The following KSR2 variants were observed in gnomAD, a reference collection of about 807,000 sequenced individuals.
The protein encoded by KSR2 is kinase suppressor of ras 2.
A neutral mutation model predicts 107.8 loss-of-function variants in KSR2; 25 were observed. That is an observed-to-expected ratio of 0.23 (90% confidence interval 0.17 to 0.32). The LOEUF (loss-of-function observed/expected upper bound fraction) is 0.32. Among genes scored for constraint, KSR2 ranks in the 10% least tolerant of loss-of-function variants. The pLI is 1.00. For missense variants in KSR2, 887 were observed against 1,268.9 expected (o/e 0.70, Z 4.57); for synonymous variants, 480 against 507.0 (o/e 0.95, Z 0.71).
At chr12:117,512,013 G>A in intron 14 of KSR2, among the ~76,000 whole-genome samples, 1 of 152,156 alleles carries the variant, frequency 6.6e-6, no homozygotes, top group East Asian at 1.9e-4. Context: ...TGGTTCAGAG[G>A]GTGAAGAGCT....
chr12:117,901,897 T>C (rs1293754702), intron 1 of KSR2, among the ~76,000 whole-genome samples: 2 of 152,130 alleles, frequency 1.3e-5, no homozygotes, highest in Admixed American at 1.3e-4. Context: ...CCTTTTCCAC[T>C]CAGTTCAAAA....
chr12:117,481,546 C>T (rs1359487374), intron 16 of KSR2, among the ~76,000 whole-genome samples: 1 of 152,178 alleles, frequency 6.6e-6, no homozygotes, highest in Non-Finnish European at 1.5e-5. Context: ...TTGCCAGCAC[C>T]TTGATTTTGG....
chr12:117,737,361 A>AT (rs35440545), intron 4 of KSR2, among the ~76,000 whole-genome samples: 3 of 151,854 alleles, frequency 2.0e-5, no homozygotes, highest in African/African-American at 4.8e-5. Flanking sequence ...AGCACACTGC[A>AT]TTTTTTTTTA....
intron 5 of KSR2, among the ~76,000 whole-genome samples, chr12:117,634,613 C>T (rs549101104): frequency 6.6e-6 from 1 of 152,254 alleles, no homozygotes; most frequent in South Asian, 2.1e-4. Context: ...TCGGGTGACA[C>T]TCGCATGGCT....
At chr12:117,936,716 T>G (rs1048505031) in intron 1 of KSR2, among the ~76,000 whole-genome samples, 8 of 152,056 alleles carry the variant, frequency 5.3e-5, no homozygotes, top group African/African-American at 1.9e-4. Context: ...TGAAAACAGC[T>G]TTTATTTGTT....
chr12:117,525,230 A>G lies in KSR2; in HGVS notation c.1852-11T>C. 4 of 1,573,210 alleles carry G rather than the reference A, an allele frequency of 2.5e-6. No homozygotes were observed. The highest frequency in any genetic ancestry group is 3.5e-6 in the Non-Finnish European group (4 of 1,156,120). Reference sequence around the variant, plus strand: ...ATGGACCTCTTCATTCTGTGGCCGGAGTGGGAGAGAGGTCAGAATTGTGTC... The same window carrying G: ...ATGGACCTCTTCATTCTGTGGCCGGGGTGGGAGAGAGGTCAGAATTGTGTC... On this transcript the variant is annotated splice_polypyrimidine_tract_variant and intron_variant, in intron 13 of 19. Coordinates refer to ENST00000339824, the MANE Select transcript of KSR2 (RefSeq NM_173598.6).
At chr12:117,558,794 A>ATGGG (rs1251707576) in intron 7 of KSR2, among the ~76,000 whole-genome samples, 3 of 5,414 alleles carry the variant, frequency 5.5e-4, no homozygotes, top group Admixed American at 5.4e-3. Flanking sequence ...GGATTGATGC[A>ATGGG]TGGGTGGGTG....
rs759513488 is a variant in KSR2, at chr12:117,484,477, C to T, written c.2389G>A (p.Gly797Ser). ...LKSKNVFYDN[G>S]KVVITDFGLF... ...CCAAAGTCCGTGATGACCACTTTGC[C>T]GTTGTCATAGAAGACGTTCTTTGAC... The change falls in exon 16 of 20, where the codon GGC (glycine) becomes AGC (serine). Residue 797 changes from glycine to serine, a missense_variant. Coordinates refer to ENST00000339824, the MANE Select transcript of KSR2 (RefSeq NM_173598.6). 21 of 1,613,770 alleles carry T rather than the reference C, an allele frequency of 1.3e-5. No individual in the cohort carries two copies. Among genetic ancestry groups the T allele is most frequent in the Non-Finnish European group, 1.7e-5 (20 of 1,179,806 alleles).
chr12:117,949,450 A>G (rs1426864652), intron 1 of KSR2, among the ~76,000 whole-genome samples: 1 of 152,204 alleles, frequency 6.6e-6, no homozygotes, highest in Non-Finnish European at 1.5e-5. Context: ...CATGGGCAAG[A>G]GACTTCTCAA....
At chr12:117,648,448 C>T (rs1419642972) in intron 5 of KSR2, among the ~76,000 whole-genome samples, 3 of 152,210 alleles carry the variant, frequency 2.0e-5, no homozygotes, top group Non-Finnish European at 4.4e-5. Context: ...TAGCATAAGG[C>T]ATTGGGGCTT....
At position 117,602,970 on chromosome 12, in the gene KSR2, C is replaced by G. The variant is rs1286156931; in HGVS notation, c.1172-20611G>C. Among the ~76,000 whole-genome samples the G allele has an allele frequency of 2.0e-5, 3 of 152,240 alleles. 1 individual carries two copies. Among genetic ancestry groups the G allele is most frequent in the Admixed American group, 2.0e-4 (3 of 15,290 alleles). ...GATAGAATTAGTTCAGTCTGCAAAT[C>G]GAGGATGGGCACACAGATGCCTAAA... On this transcript the variant is annotated intron_variant, in intron 5 of 19. Transcript: ENST00000339824.
chr12:117,747,021 T>C (rs1888433339), intron 4 of KSR2, among the ~76,000 whole-genome samples: 1 of 152,302 alleles, frequency 6.6e-6, no homozygotes, highest in Admixed American at 6.5e-5. Flanking sequence ...AAAGACAGTA[T>C]GGCGATTCCT....
At chr12:117,498,312 C>A (rs944964683) in intron 14 of KSR2, among the ~76,000 whole-genome samples, 1 of 152,114 alleles carries the variant, frequency 6.6e-6, no homozygotes, top group Non-Finnish European at 1.5e-5. Flanking sequence ...TTCCACCCCC[C>A]AAATTCAGGG....
chr12:117,823,513 G>A (rs562649168), intron 3 of KSR2, among the ~76,000 whole-genome samples: 1 of 152,260 alleles, frequency 6.6e-6, no homozygotes, highest in African/African-American at 2.4e-5. Flanking sequence ...GAGAGATGGT[G>A]CTACCATTTA....
intron 1 of KSR2, 82 bp from the exon 2 acceptor site, chr12:117,860,513 C>G: frequency 2.9e-6 from 4 of 1,383,286 alleles, no homozygotes; most frequent in Non-Finnish European, 3.9e-6. Context: ...CCTACGAACC[C>G]CCACCCTAAA....
At chr12:117,657,495 C>A (rs1884235880) in intron 5 of KSR2, among the ~76,000 whole-genome samples, 1 of 152,210 alleles carries the variant, frequency 6.6e-6, no homozygotes, top group Admixed American at 6.5e-5. Flanking sequence ...TCACCAACAT[C>A]ACCATGCAGT....
At chr12:117,624,029 T>A (rs1047556029) in intron 5 of KSR2, among the ~76,000 whole-genome samples, 7 of 152,374 alleles carry the variant, frequency 4.6e-5, no homozygotes, top group African/African-American at 1.7e-4. Context: ...AGATGTCTTC[T>A]TTTGAGAAGT....
At chr12:117,597,069 G>A (rs1225791012) in intron 5 of KSR2, among the ~76,000 whole-genome samples, 2 of 152,114 alleles carry the variant, frequency 1.3e-5, no homozygotes, top group Non-Finnish European at 2.9e-5. Context: ...TCCCGTGCAA[G>A]GGCATGGAAA....
At chr12:117,543,220 C>G (rs1210876624) in intron 9 of KSR2, among the ~76,000 whole-genome samples, 1 of 152,210 alleles carries the variant, frequency 6.6e-6, no homozygotes, top group African/African-American at 2.4e-5. Context: ...TCTAGAGTAG[C>G]TGCACCATTT....
Sources: allele counts gnomAD v4.1 joint callset (sites outside exome capture counted in the v4.1 genomes callset), GRCh38; gene constraint gnomAD v4.1.1; transcripts MANE v1.5; gene names NCBI Gene and HGNC (gene_info 2026-07-23, HGNC 2026-07-21).